SLC28A1: variants seen among roughly 807,000 people sequenced by gnomAD.
SLC28A1 encodes the protein sodium/nucleoside cotransporter 1.
Under a neutral mutation model 74.8 loss-of-function variants are expected in SLC28A1, and 64 were observed. The ratio of observed to expected loss-of-function variants is 0.86; its 90% CI spans 0.70 to 1.05. SLC28A1 has a LOEUF of 1.05. SLC28A1 is among the 50% of genes least tolerant of loss of function. SLC28A1 has a pLI of 0.00. For synonymous variants in SLC28A1, 359 were observed against 335.0 expected (o/e 1.07, Z -0.78); for missense variants, 828 against 822.8 (o/e 1.01, Z -0.08).
chr15:84,966,926 C>G, the SLC28A1 span, among the ~76,000 whole-genome samples: 1 of 152,050 alleles, frequency 6.6e-6, no homozygotes, highest in East Asian at 1.9e-4. Context: ...AACATGCCAC[C>G]ATGCCCAGCT....
intron 12 of SLC28A1, among the ~76,000 whole-genome samples, chr15:84,932,770 C>A (rs1971470397): frequency 6.6e-6 from 1 of 152,150 alleles, no homozygotes; most frequent in Non-Finnish European, 1.5e-5. Context: ...ACAGTGACAG[C>A]CTAAAAAGGA....
the SLC28A1 span, among the ~76,000 whole-genome samples, chr15:84,968,107 G>A: frequency 1.3e-5 from 2 of 152,100 alleles, no homozygotes; most frequent in East Asian, 3.9e-4. Context: ...AGGTAAGCAG[G>A]GCTGGGCTAT....
At chr15:84,900,464 G>T (rs1190874145) in intron 6 of SLC28A1, among the ~76,000 whole-genome samples, 1 of 146,926 alleles carries the variant, frequency 6.8e-6, no homozygotes, top group Non-Finnish European at 1.5e-5. Context: ...GAAATTCTTC[G>T]AAGAGAAGGA....
chr15:84,933,385 A>C lies in SLC28A1; in HGVS notation c.1214+110A>C, dbSNP rs8042587. ...CACTGTCTTCCACTAGCCTGGGCCC[A>C]TCTCTCCACTTTTCCTGCTCTGGTT... On this transcript the variant is annotated intron_variant, in intron 13 of 18. Coordinates refer to ENST00000394573, the MANE Select transcript of SLC28A1 (RefSeq NM_004213.5). 4 of 1,344,782 alleles carry C rather than the reference A, an allele frequency of 3.0e-6. No individual in the cohort carries two copies. In the African/African-American group the frequency reaches 5.8e-5, roughly 19 times the overall value. 83.3% of individuals were successfully genotyped at this position (1,344,782 alleles called of 1,614,324 possible).
chr15:84,921,506 G>A (rs1969831109), intron 11 of SLC28A1, among the ~76,000 whole-genome samples: 1 of 152,108 alleles, frequency 6.6e-6, no homozygotes, highest in Admixed American at 6.6e-5. Flanking sequence ...CTTAAAATGT[G>A]TTTTCCAAAG....
chr15:84,961,056 G>A, the SLC28A1 span, among the ~76,000 whole-genome samples: 7 of 152,080 alleles, frequency 4.6e-5, no homozygotes, highest in Admixed American at 2.0e-4. Context: ...GTGTGTCCTC[G>A]GGCAAGATAA....
the SLC28A1 span, among the ~76,000 whole-genome samples, chr15:84,959,364 C>T: frequency 6.6e-6 from 1 of 152,182 alleles, no homozygotes; most frequent in Non-Finnish European, 1.5e-5. Flanking sequence ...CTCGGTCTTC[C>T]AAAGTGCTGG....
the SLC28A1 span, among the ~76,000 whole-genome samples, chr15:84,951,219 G>T: frequency 6.6e-6 from 1 of 152,046 alleles, no homozygotes; most frequent in Non-Finnish European, 1.5e-5. Context: ...AGGCCAAGGT[G>T]GGCAGATCTC....
chr15:84,901,202 C>A (rs1966654388), intron 6 of SLC28A1, among the ~76,000 whole-genome samples: 1 of 151,178 alleles, frequency 6.6e-6, no homozygotes, highest in Admixed American at 6.6e-5. Context: ...AGAAAAATAA[C>A]CTAATTTTAA....
At chr15:84,966,952 A>T in the SLC28A1 span, among the ~76,000 whole-genome samples, 3 of 150,278 alleles carry the variant, frequency 2.0e-5, no homozygotes, top group African/African-American at 4.9e-5. Flanking sequence ...TTTTATTTTT[A>T]TTTTTTTTAA....
In SLC28A1 at chr15:84,935,020, C is replaced by T. The variant is rs749532243; in HGVS notation, c.1215-6C>T. The T allele has an allele frequency of 1.9e-6, 3 of 1,613,598 alleles. No individual in the cohort carries two copies. The highest frequency in any genetic ancestry group is 2.5e-6 in the Non-Finnish European group (3 of 1,179,600). On this transcript the variant is annotated splice_polypyrimidine_tract_variant and splice_region_variant and intron_variant, in intron 13 of 18. Coordinates refer to ENST00000394573, the MANE Select transcript of SLC28A1 (RefSeq NM_004213.5). The stretch of plus-strand genomic sequence containing the variant: ...CAGTAATGATCATTCTTGATCCCAA[C>T]AACAGAGATGCTCAGAACCTCATAG...
chr15:84,916,268 G>A (rs1433132981), intron 9 of SLC28A1, among the ~76,000 whole-genome samples: 1 of 120,100 alleles, frequency 8.3e-6, no homozygotes, highest in Non-Finnish European at 1.7e-5. Context: ...CAAACATGGG[G>A]TCTTACTCTG....
At chr15:84,903,258 G>A (rs957819740) in intron 6 of SLC28A1, among the ~76,000 whole-genome samples, 2 of 152,356 alleles carry the variant, frequency 1.3e-5, no homozygotes, top group Admixed American at 6.5e-5. Flanking sequence ...CTGTAGTTAA[G>A]TGAATAGACC....
At chr15:84,918,717 C>A in intron 10 of SLC28A1, 113 bp downstream of exon 10, 1 of 827,256 alleles carries the variant, frequency 1.2e-6, no homozygotes. Context: ...ACACACTGCT[C>A]CCCAAGCCCA....
In SLC28A1 at chr15:84,924,018, G is replaced by A; in HGVS notation, c.991G>A (p.Ala331Thr). Residue 331 changes from alanine (A) to threonine (T), a missense_variant, in exon 12 of 19, where the codon GCA becomes ACA. This residue lies in a region of SLC28A1 where 767 missense variants were observed against 753.5 expected (regional missense o/e 1.02). Transcript: ENST00000394573. The stretch of plus-strand genomic sequence containing the variant: ...TCCATTACTGATCCGGCCCTACTTG[G>A]CAGACATGACACTCTCTGAAGTCCA... ...EAPLLIRPYL[A>T]DMTLSEVHVV... 1 of 1,614,020 alleles carries A rather than the reference G, an allele frequency of 6.2e-7. No homozygotes were observed. The highest frequency in any genetic ancestry group is 8.5e-7 in the Non-Finnish European group (1 of 1,180,014).
the SLC28A1 span, among the ~76,000 whole-genome samples, chr15:84,950,919 G>T: frequency 6.6e-6 from 1 of 152,166 alleles, no homozygotes; most frequent in African/African-American, 2.4e-5. Flanking sequence ...TGCACTTGTA[G>T]TTGAAAGCAG....
the SLC28A1 span, among the ~76,000 whole-genome samples, chr15:84,958,426 A>G: frequency 1.3e-5 from 2 of 152,224 alleles, no homozygotes; most frequent in Non-Finnish European, 2.9e-5. Context: ...GAAAGTATAC[A>G]CAAGAGATCA....
At chr15:84,928,309 C>A (rs531867956) in intron 12 of SLC28A1, among the ~76,000 whole-genome samples, 1 of 151,954 alleles carries the variant, frequency 6.6e-6, no homozygotes, top group East Asian at 2.0e-4. Flanking sequence ...ACAAACAAAC[C>A]TTCCTTCCCT....
intron 3 of SLC28A1, among the ~76,000 whole-genome samples, 187 bp downstream of exon 3, chr15:84,888,043 C>G (rs545150782): frequency 1.3e-5 from 2 of 152,256 alleles, no homozygotes; most frequent in East Asian, 3.9e-4. Context: ...AAGGCAGACC[C>G]CTTTATTTCA....
Sources: allele counts gnomAD v4.1 joint callset (sites outside exome capture counted in the v4.1 genomes callset), GRCh38; gene constraint gnomAD v4.1.1; regional missense constraint gnomAD v4.1.1; transcripts MANE v1.5; gene names NCBI Gene and HGNC (gene_info 2026-07-23, HGNC 2026-07-21).